SLC26A7: variants seen among roughly 807,000 people sequenced by gnomAD.
SLC26A7 encodes the protein solute carrier family 26 member 7.
SLC26A7 carries 59 observed loss-of-function variants against 82.5 expected under a neutral mutation model. That is an observed-to-expected ratio of 0.72 (90% CI 0.58 to 0.89). SLC26A7 has a LOEUF of 0.89. SLC26A7 is among the 40% of genes least tolerant of loss of function. The probability of loss-of-function intolerance (pLI) is 0.00; values close to 1 mark genes in which losing one functional copy is unlikely to be tolerated. For missense variants in SLC26A7, 820 were observed against 793.0 expected (o/e 1.03, Z -0.41); for synonymous variants, 271 against 274.3 (o/e 0.99, Z 0.12).
intron 1 of SLC26A7, among the ~76,000 whole-genome samples, chr8:91,211,345 G>A (rs1809913494): frequency 6.6e-6 from 1 of 151,702 alleles, no homozygotes; most frequent in South Asian, 2.1e-4. Context: ...TGTTAATCAT[G>A]CTAAATAAAT....
intron 10 of SLC26A7, 47 bp downstream of exon 10, chr8:91,351,934 T>C: frequency 7.6e-7 from 1 of 1,310,490 alleles, no homozygotes; most frequent in Non-Finnish European, 1.1e-6. Flanking sequence ...TAACTTTTCA[T>C]GAGAATCATT....
At chr8:91,341,555 C>A (rs1813413839) in intron 8 of SLC26A7, among the ~76,000 whole-genome samples, 1 of 152,170 alleles carries the variant, frequency 6.6e-6, no homozygotes, top group Admixed American at 6.5e-5. Context: ...CTCATCTTCA[C>A]AAAAGTAGAT....
At chr8:91,274,210 T>C (rs1811346259) in intron 2 of SLC26A7, among the ~76,000 whole-genome samples, 1 of 152,236 alleles carries the variant, frequency 6.6e-6, no homozygotes, top group Non-Finnish European at 1.5e-5. Context: ...TTATCATCTA[T>C]TCCCCACTAG....
At chr8:91,389,175 G>A (rs1814883570) in intron 15 of SLC26A7, among the ~76,000 whole-genome samples, 163 bp from the exon 16 acceptor site, 1 of 152,066 alleles carries the variant, frequency 6.6e-6, no homozygotes, top group East Asian at 1.9e-4. Context: ...AAATCAGAGA[G>A]TTCAGGAATA....
intron 2 of SLC26A7, among the ~76,000 whole-genome samples, chr8:91,244,107 G>A (rs980603793): frequency 1.3e-5 from 2 of 152,158 alleles, no homozygotes; most frequent in East Asian, 1.9e-4. Flanking sequence ...ACACAATTAT[G>A]TAGTCCTTAG....
At chr8:91,392,465 A>G (rs1437720941) in intron 16 of SLC26A7, among the ~76,000 whole-genome samples, 5 of 152,220 alleles carry the variant, frequency 3.3e-5, no homozygotes, top group African/African-American at 1.2e-4. Flanking sequence ...TCTAGCAGTT[A>G]GGAAGAACTC....
At chr8:91,379,932 C>T (rs771867348) in intron 15 of SLC26A7, among the ~76,000 whole-genome samples, 3 of 151,764 alleles carry the variant, frequency 2.0e-5, no homozygotes, top group Non-Finnish European at 2.9e-5. Flanking sequence ...TACAAATCAA[C>T]GAGTAAAAAA....
chr8:91,355,698 T>C (rs372301329), intron 11 of SLC26A7, among the ~76,000 whole-genome samples: 1 of 152,206 alleles, frequency 6.6e-6, no homozygotes, highest in East Asian at 1.9e-4. Context: ...CTATTACATA[T>C]CCAAATCTAT....
chr8:91,281,442 A>C (rs1238235995), intron 2 of SLC26A7, among the ~76,000 whole-genome samples: 1 of 152,198 alleles, frequency 6.6e-6, no homozygotes, highest in Non-Finnish European at 1.5e-5. Context: ...AAGCATCAAA[A>C]CCCTGGAATA....
intron 5 of SLC26A7, among the ~76,000 whole-genome samples, chr8:91,324,348 G>C (rs1322313493): frequency 6.6e-6 from 1 of 152,216 alleles, no homozygotes; most frequent in Non-Finnish European, 1.5e-5. Context: ...CAGGAATTTA[G>C]ATCTGCTTGG....
chr8:91,279,125 G>GTGTGTGTGTATATATA (rs1382744780), intron 2 of SLC26A7, among the ~76,000 whole-genome samples: 4 of 111,292 alleles, frequency 3.6e-5, no homozygotes, highest in African/African-American at 1.4e-4. Flanking sequence ...GTGTGTGTGT[G>GTGTGTGTGTATATATA]TATATATATA....
At chr8:91,304,685 T>G (rs1187145452) in intron 4 of SLC26A7, among the ~76,000 whole-genome samples, 1 of 152,212 alleles carries the variant, frequency 6.6e-6, no homozygotes, top group African/African-American at 2.4e-5. Flanking sequence ...CTATGCAGCT[T>G]TCTAAACTAG....
intron 2 of SLC26A7, among the ~76,000 whole-genome samples, chr8:91,221,736 G>GT (rs1810163417): frequency 6.6e-6 from 1 of 152,134 alleles, no homozygotes; most frequent in South Asian, 2.1e-4. Flanking sequence ...CTATCTGTCT[G>GT]TTTTGGTACC....
At chr8:91,368,138 G>T (rs912654775) in intron 14 of SLC26A7, among the ~76,000 whole-genome samples, 2 of 152,132 alleles carry the variant, frequency 1.3e-5, no homozygotes, top group African/African-American at 2.4e-5. Context: ...AACTATAGAG[G>T]TAAAGTGCCC....
chr8:91,280,052 G>A (rs1811527952), intron 2 of SLC26A7, among the ~76,000 whole-genome samples: 1 of 152,096 alleles, frequency 6.6e-6, no homozygotes, highest in Non-Finnish European at 1.5e-5. Flanking sequence ...TCCCCATTCT[G>A]TAGGTTGTCT....
intron 14 of SLC26A7, 68 bp downstream of exon 14, chr8:91,366,785 A>G: frequency 2.0e-6 from 3 of 1,510,142 alleles, no homozygotes; most frequent in Non-Finnish European, 1.8e-6. Context: ...TAAAACATGT[A>G]TCAAGTAAAT....
At chr8:91,368,364 T>A (rs1034943026) in intron 14 of SLC26A7, among the ~76,000 whole-genome samples, 1 of 152,070 alleles carries the variant, frequency 6.6e-6, no homozygotes, top group Non-Finnish European at 1.5e-5. Context: ...GGGTCGAATA[T>A]CTACATAAAT....
At chr8:91,385,082 T>C (rs1173708916) in intron 15 of SLC26A7, among the ~76,000 whole-genome samples, 1 of 152,198 alleles carries the variant, frequency 6.6e-6, no homozygotes, top group African/African-American at 2.4e-5. Context: ...AGAGCTGGCT[T>C]CCACAGTCTG....
chr8:91,276,918 A>T (rs1013842763), intron 2 of SLC26A7, among the ~76,000 whole-genome samples: 12 of 152,220 alleles, frequency 7.9e-5, no homozygotes, highest in African/African-American at 4.8e-5. Flanking sequence ...GTCTGAAGTA[A>T]AAATGGTAAG....
Sources: gnomAD v4.1 joint callset for allele counts (sites outside exome capture counted in the v4.1 genomes callset) on GRCh38, gnomAD v4.1.1 for gene constraint, MANE v1.5 for transcripts, NCBI Gene and HGNC (gene_info 2026-07-23, HGNC 2026-07-21) for gene names.